Variants in RALGAPA1 observed in about 807,000 individuals in gnomAD.
RALGAPA1 encodes the protein ral GTPase-activating protein subunit alpha-1.
In RALGAPA1, 52 loss-of-function variants were observed where a neutral mutation model predicts 269.6. That is an observed-to-expected ratio of 0.19 (90% CI 0.15 to 0.24). RALGAPA1 has a LOEUF of 0.24. Among genes scored for constraint, RALGAPA1 ranks in the 10% least tolerant of loss-of-function variants. RALGAPA1 has a pLI of 1.00. For synonymous variants in RALGAPA1, 817 were observed against 1,008.3 expected (o/e 0.81, Z 3.60); for missense variants, 1,917 against 3,013.9 (o/e 0.64, Z 8.52).
At chr14:35,800,795 A>T (rs912244375) in intron 1 of RALGAPA1, among the ~76,000 whole-genome samples, 11 of 152,176 alleles carry the variant, frequency 7.2e-5, no homozygotes, top group Non-Finnish European at 1.2e-4. Context: ...ACTTGAGGTC[A>T]GGAGTTTGAG....
intron 1 of RALGAPA1, among the ~76,000 whole-genome samples, chr14:35,791,836 G>A (rs2076193716): frequency 6.8e-6 from 1 of 146,830 alleles, no homozygotes; most frequent in South Asian, 2.2e-4. Flanking sequence ...AACCCAGGAG[G>A]TGGAGCTTGC....
chr14:35,769,381 G>C lies in RALGAPA1; in HGVS notation c.325+1561C>G, dbSNP rs554954209. Reference sequence around the variant, plus strand: ...AATCAAATATCATATACTCTCATTTGTAAGTGGGAGCTAAACACTGGGTAC... The same window carrying C: ...AATCAAATATCATATACTCTCATTTCTAAGTGGGAGCTAAACACTGGGTAC... On this transcript the variant is annotated intron_variant, in intron 4 of 41. Transcript: ENST00000680220. Among the ~76,000 whole-genome samples, 3 of 152,112 alleles carry C rather than the reference G, an allele frequency of 2.0e-5. No individual in the cohort carries two copies. In the East Asian group the frequency reaches 5.8e-4, roughly 29 times the overall value.
At chr14:35,713,872 G>A in intron 16 of RALGAPA1, among the ~76,000 whole-genome samples, 1 of 152,148 alleles carries the variant, frequency 6.6e-6, no homozygotes, top group Non-Finnish European at 1.5e-5. Flanking sequence ...CAGGCGGGTG[G>A]ACTACTTGAG....
intron 39 of RALGAPA1, among the ~76,000 whole-genome samples, chr14:35,566,645 G>A (rs2056732462): frequency 6.6e-6 from 1 of 151,612 alleles, no homozygotes; most frequent in Non-Finnish European, 1.5e-5. Context: ...TCCTTAATGA[G>A]AACGTAATCT....
intron 27 of RALGAPA1, among the ~76,000 whole-genome samples, chr14:35,662,605 G>A (rs2063614427): frequency 6.6e-6 from 1 of 152,056 alleles, no homozygotes; most frequent in Admixed American, 6.6e-5. Flanking sequence ...GCCTACACAA[G>A]GGCCAACAGA....
chr14:35,681,777 T>C (rs1479571400), intron 21 of RALGAPA1, among the ~76,000 whole-genome samples: 4 of 152,192 alleles, frequency 2.6e-5, no homozygotes, highest in Non-Finnish European at 4.4e-5. Context: ...TAAAGTTTTC[T>C]TATGCCCATC....
intron 39 of RALGAPA1, among the ~76,000 whole-genome samples, chr14:35,566,294 T>G (rs2056696889): frequency 6.6e-6 from 1 of 152,120 alleles, no homozygotes; most frequent in South Asian, 2.1e-4. Flanking sequence ...TATGATCGAT[T>G]TGGGTAGCAT....
At chr14:35,666,266 T>C (rs2063927887) in intron 26 of RALGAPA1, among the ~76,000 whole-genome samples, 1 of 152,150 alleles carries the variant, frequency 6.6e-6, no homozygotes, top group Non-Finnish European at 1.5e-5. Context: ...TCTTTTTTTT[T>C]TAAGGATTAA....
chr14:35,762,799 T>C, intron 4 of RALGAPA1, 46 bp from the exon 5 acceptor site: 1 of 1,162,158 alleles, frequency 8.6e-7, no homozygotes. Flanking sequence ...TATCTATTTG[T>C]AAATGTCAGA....
intron 16 of RALGAPA1, among the ~76,000 whole-genome samples, chr14:35,703,029 C>T (rs1490469266): frequency 1.3e-5 from 2 of 152,028 alleles, no homozygotes; most frequent in Non-Finnish European, 2.9e-5. Context: ...CTTTTTTCCC[C>T]TAGGGGATAA....
chr14:35,634,073 A>G (rs1191394055), intron 33 of RALGAPA1, among the ~76,000 whole-genome samples: 3 of 152,188 alleles, frequency 2.0e-5, no homozygotes, highest in Admixed American at 6.5e-5. Context: ...CTCCAAAGCT[A>G]TATTTTTTAT....
At position 35,714,205 on chromosome 14, in the gene RALGAPA1, C is replaced by T. The variant is rs574204555; in HGVS notation, c.2266+7483G>A. On this transcript the variant is annotated intron_variant, in intron 16 of 41. Coordinates refer to ENST00000680220, the MANE Select transcript of RALGAPA1 (RefSeq NM_001346249.2). ...ATTTTAACTTTAAAGGAACTGATTT[C>T]GAGAGTGTTTTTCAAAGTAGCCGTA... Among the ~76,000 whole-genome samples, 14 of 152,110 alleles carry T rather than the reference C, an allele frequency of 9.2e-5. No individual in the cohort carries two copies. The East Asian group carries it at 1.5e-3, about 17-fold the overall frequency.
chr14:35,631,194 G>C (rs1011852689), intron 33 of RALGAPA1, among the ~76,000 whole-genome samples: 1 of 152,082 alleles, frequency 6.6e-6, no homozygotes, highest in East Asian at 1.9e-4. Flanking sequence ...AAATGGGTTC[G>C]CAAAGTTAAG....
In RALGAPA1 at chr14:35,677,757, ATG is replaced by A. The variant is rs1461015156; in HGVS notation, c.4624+191_4624+192del. On this transcript the variant is annotated intron_variant, in intron 22 of 41. Transcript: ENST00000680220. ...GAGGACTCTAATCAACTATAATAAA[ATG>A]AATAAAACTCAGACAACAAATATCT... 6.5e-5 allele frequency: 37 copies of A among 565,662 alleles called. No homozygotes were observed. The African/African-American group carries it at 6.7e-4, about 10-fold the overall frequency. The allele number at this position is 565,662 out of a possible 1,614,324, so 35.0% of individuals were successfully genotyped here.
chr14:35,626,970 CAAA>C (rs1297655874), intron 34 of RALGAPA1, 117 bp downstream of exon 34: 1 of 996,324 alleles, frequency 1.0e-6, no homozygotes, highest in Non-Finnish European at 1.3e-6. Flanking sequence ...AAAAATGAGT[CAAA>C]GAACTAATTG....
At chr14:35,659,803 T>G (rs767498093) in intron 27 of RALGAPA1, among the ~76,000 whole-genome samples, 2 of 152,052 alleles carry the variant, frequency 1.3e-5, no homozygotes, top group African/African-American at 2.4e-5. Context: ...TTTATCACTG[T>G]GATGCAAGGA....
chr14:35,546,471 A>G (rs1213233535), intron 41 of RALGAPA1, among the ~76,000 whole-genome samples: 1 of 151,100 alleles, frequency 6.6e-6, no homozygotes, highest in Non-Finnish European at 1.5e-5. Context: ...TAATAATAAT[A>G]ATAAATATTA....
intron 39 of RALGAPA1, among the ~76,000 whole-genome samples, chr14:35,565,309 T>G (rs944979350): frequency 4.0e-5 from 6 of 150,030 alleles, no homozygotes; most frequent in Non-Finnish European, 8.9e-5. Flanking sequence ...GTCTAGATGC[T>G]ACTGTTATAT....
At chr14:35,748,429 G>A in intron 10 of RALGAPA1, 156 bp downstream of exon 10, 1 of 743,556 alleles carries the variant, frequency 1.3e-6, no homozygotes, top group East Asian at 3.4e-5. Context: ...GTCCAAAGTG[G>A]CCTCAAACTC....
Sources: gnomAD v4.1 joint callset for allele counts (sites outside exome capture counted in the v4.1 genomes callset) on GRCh38, gnomAD v4.1.1 for gene constraint, MANE v1.5 for transcripts, NCBI Gene and HGNC (gene_info 2026-07-23, HGNC 2026-07-21) for gene names.